CDH9: variants seen among roughly 807,000 people sequenced by gnomAD.
CDH9 encodes cadherin-9.
A neutral mutation model predicts 70.9 loss-of-function variants in CDH9; 28 were observed. That is an observed-to-expected ratio of 0.40 (90% confidence interval 0.29 to 0.54). The LOEUF (loss-of-function observed/expected upper bound fraction) is 0.54. Ranked by LOEUF, CDH9 falls within the 20% of genes least tolerant of loss-of-function variation. CDH9 has a pLI of 0.59. For synonymous variants in CDH9, 409 were observed against 343.1 expected (o/e 1.19, Z -2.12); for missense variants, 874 against 984.4 (o/e 0.89, Z 1.50).
chr5:27,001,206 A>G (rs1742761387), intron 1 of CDH9, among the ~76,000 whole-genome samples: 1 of 152,166 alleles, frequency 6.6e-6, no homozygotes, highest in South Asian at 2.1e-4. Context: ...ACTGTATTAT[A>G]AATGTATGAA....
At chr5:26,947,424 T>C (rs1009224277) in intron 2 of CDH9, among the ~76,000 whole-genome samples, 1 of 152,166 alleles carries the variant, frequency 6.6e-6, no homozygotes, top group Admixed American at 6.5e-5. Context: ...GATGTTAGAA[T>C]ATGTGCATCC....
chr5:26,972,631 G>A lies in CDH9; in HGVS notation c.228+15475C>T, dbSNP rs74688564. On this transcript the variant is annotated intron_variant, in intron 2 of 11. Transcript: ENST00000231021. ...AGTGGACATACGCAGTTAAATCAGT[G>A]TCGTTAAAGGATCAACTGTACTTTC... Among the ~76,000 whole-genome samples, 516 of 152,232 alleles carry A rather than the reference G, an allele frequency of 3.4e-3. 5 individuals are homozygous for A. Among genetic ancestry groups the A allele is most frequent in the African/African-American group, 0.012 (494 of 41,540 alleles).
chr5:26,898,035 A>T (rs1198996760), intron 7 of CDH9, among the ~76,000 whole-genome samples: 1 of 152,102 alleles, frequency 6.6e-6, no homozygotes, highest in East Asian at 1.9e-4. Flanking sequence ...AATAACAGAC[A>T]AACAGAGAGC....
intron 2 of CDH9, among the ~76,000 whole-genome samples, chr5:26,986,751 G>A (rs1012739132): frequency 6.6e-6 from 1 of 151,978 alleles, no homozygotes; most frequent in Non-Finnish European, 1.5e-5. Context: ...TTTGCTAGCT[G>A]AACTTGAATT....
At chr5:26,908,007 A>G (rs1029320885) in intron 3 of CDH9, among the ~76,000 whole-genome samples, 1 of 152,176 alleles carries the variant, frequency 6.6e-6, no homozygotes, top group African/African-American at 2.4e-5. Flanking sequence ...ATAGTAATTA[A>G]GATCAATATT....
At chr5:26,925,880 C>A (rs899315018) in intron 2 of CDH9, among the ~76,000 whole-genome samples, 1 of 151,908 alleles carries the variant, frequency 6.6e-6, no homozygotes, top group East Asian at 1.9e-4. Context: ...AGGCCTTTGA[C>A]AAAATTCAAC....
chr5:26,957,905 AC>A (rs1323075257), intron 2 of CDH9, among the ~76,000 whole-genome samples: 1 of 152,166 alleles, frequency 6.6e-6, no homozygotes, highest in Non-Finnish European at 1.5e-5. Context: ...TTATTGTGAG[AC>A]TTCTGATTTA....
intron 1 of CDH9, among the ~76,000 whole-genome samples, chr5:27,033,076 C>A (rs966574918): frequency 5.3e-5 from 8 of 151,028 alleles, no homozygotes; most frequent in Admixed American, 1.3e-4. Context: ...TTTCTAGATA[C>A]AGTTAAAAAA....
chr5:27,028,689 G>A (rs778428347), intron 1 of CDH9, among the ~76,000 whole-genome samples: 2 of 151,902 alleles, frequency 1.3e-5, no homozygotes, highest in Non-Finnish European at 2.9e-5. Flanking sequence ...TCTGTTTCAA[G>A]TACATTTTTA....
chr5:26,931,167 T>C (rs757001183), intron 2 of CDH9, among the ~76,000 whole-genome samples: 1 of 152,126 alleles, frequency 6.6e-6, no homozygotes, highest in African/African-American at 2.4e-5. Flanking sequence ...AAGGTATACA[T>C]TCCCTCTAGC....
intron 1 of CDH9, among the ~76,000 whole-genome samples, chr5:27,003,275 A>C (rs749643601): frequency 1.3e-5 from 2 of 152,154 alleles, no homozygotes; most frequent in Non-Finnish European, 2.9e-5. Flanking sequence ...TAAATAAACA[A>C]CTGAACCAAT....
At chr5:26,943,237 C>T (rs547877068) in intron 2 of CDH9, among the ~76,000 whole-genome samples, 1 of 152,074 alleles carries the variant, frequency 6.6e-6, no homozygotes, top group Non-Finnish European at 1.5e-5. Context: ...AGGGGTGGGG[C>T]GCGGTAGCTT....
intron 11 of CDH9, among the ~76,000 whole-genome samples, chr5:26,884,959 G>A (rs1292151185): frequency 6.6e-6 from 1 of 152,116 alleles, no homozygotes; most frequent in Non-Finnish European, 1.5e-5. Context: ...GCGACATAGT[G>A]ATATTTTTTA....
chr5:27,017,495 A>G (rs566264785), intron 1 of CDH9, among the ~76,000 whole-genome samples: 3 of 151,974 alleles, frequency 2.0e-5, no homozygotes, highest in African/African-American at 7.2e-5. Context: ...ATGTCAAAAC[A>G]TTTTCTCCTG....
intron 2 of CDH9, among the ~76,000 whole-genome samples, chr5:26,987,001 T>C (rs1389253235): frequency 6.6e-6 from 1 of 151,758 alleles, no homozygotes; most frequent in African/African-American, 2.4e-5. Flanking sequence ...AAAGAAGAAT[T>C]AGATCAAAAT....
intron 2 of CDH9, among the ~76,000 whole-genome samples, chr5:26,980,033 C>T (rs1221429760): frequency 6.6e-6 from 1 of 151,634 alleles, no homozygotes; most frequent in African/African-American, 2.4e-5. Context: ...AATTCTTTTC[C>T]TAAGAATACT....
chr5:27,023,771 G>T (rs928536798), intron 1 of CDH9, among the ~76,000 whole-genome samples: 1 of 151,996 alleles, frequency 6.6e-6, no homozygotes, highest in African/African-American at 2.4e-5. Context: ...GCATGTAAGG[G>T]CCAGGCATGG....
intron 4 of CDH9, 86 bp from the exon 5 acceptor site, chr5:26,906,212 A>T: frequency 9.4e-7 from 1 of 1,063,802 alleles, no homozygotes; most frequent in Non-Finnish European, 1.4e-6. Context: ...ACAAAAGTTG[A>T]TTATAACAAA....
intron 1 of CDH9, among the ~76,000 whole-genome samples, chr5:26,992,794 C>T (rs1742598552): frequency 6.6e-6 from 1 of 152,050 alleles, no homozygotes; most frequent in Non-Finnish European, 1.5e-5. Context: ...GCTTAATCTT[C>T]TTCAAGAATA....
Sources: allele counts gnomAD v4.1 joint callset (sites outside exome capture counted in the v4.1 genomes callset), GRCh38; gene constraint gnomAD v4.1.1; transcripts MANE v1.5; gene names NCBI Gene and HGNC (gene_info 2026-07-23, HGNC 2026-07-21).